Variants in PTCH1 observed in about 807,000 individuals in gnomAD.
PTCH1 encodes patched 1.
PTCH1 carries 14 observed loss-of-function variants against 144.6 expected under a neutral mutation model. That is an observed-to-expected ratio of 0.10 (90% CI 0.06 to 0.15). PTCH1 has a LOEUF of 0.15. PTCH1 is among the 10% of genes least tolerant of loss of function. The pLI is 1.00. For synonymous variants in PTCH1, 833 were observed against 793.6 expected, an observed-to-expected ratio of 1.05 and a Z score of -0.83; for missense variants, 1,623 against 1,948.3, an observed-to-expected ratio of 0.83 and a Z score of 3.14.
intron 2 of PTCH1, among the ~76,000 whole-genome samples, chr9:95,505,533 T>G (rs1296798658): frequency 6.6e-6 from 1 of 152,164 alleles, no homozygotes; most frequent in East Asian, 1.9e-4. Flanking sequence ...CTGCAACTGC[T>G]TTGCTAAGGT....
At chr9:95,447,608 A>G (rs568595103) in intron 22 of PTCH1, among the ~76,000 whole-genome samples, 157 bp from the exon 23 acceptor site, 1 of 152,308 alleles carries the variant, frequency 6.6e-6, no homozygotes, top group Non-Finnish European at 1.5e-5. Context: ...CTGTCCTTCT[A>G]ATAACCTCCA....
chr9:95,460,187 T>C (rs1236772037), intron 16 of PTCH1, among the ~76,000 whole-genome samples: 2 of 152,194 alleles, frequency 1.3e-5, no homozygotes, highest in Non-Finnish European at 2.9e-5. Flanking sequence ...CTGAAGGAAA[T>C]GCCACCCAGT....
chr9:95,469,393 T>G (rs182353805), intron 13 of PTCH1, among the ~76,000 whole-genome samples: 48 of 152,268 alleles, frequency 3.2e-4, no homozygotes, highest in African/African-American at 1.1e-3. Flanking sequence ...ATCCTAAATT[T>G]GGCTTTCAAA....
intron 2 of PTCH1, among the ~76,000 whole-genome samples, chr9:95,491,703 G>A (rs1842420921): frequency 6.6e-6 from 1 of 152,084 alleles, no homozygotes; most frequent in Non-Finnish European, 1.5e-5. Context: ...AGGTAGCCTA[G>A]GAGTGCCAAA....
Position 95,447,116 on chromosome 9 carries a change from G to A in PTCH1, c.4140C>T (p.Ala1380=), listed in dbSNP as rs752595145. The A allele has an allele frequency of 1.0e-4, 166 of 1,613,370 alleles. No homozygotes were observed. The highest frequency in any genetic ancestry group is 2.3e-4 in the Admixed American group (14 of 59,996). Residue 1380 remains alanine, a synonymous_variant, in exon 23 of 24, where the codon GCC becomes GCT. Coordinates refer to ENST00000331920, the MANE Select transcript of PTCH1 (RefSeq NM_000264.5). ...TVTASASVTV[A]VHPPPVPGPG... ...GCCCAGGGACAGGCGGCGGGTGCAC[G>A]GCGACAGTCACGGAGGCAGAAGCCG...
At chr9:95,516,422 G>T (rs1844365720) in intron 1 of PTCH1, 2 of 1,345,298 alleles carry the variant, frequency 1.5e-6, no homozygotes, top group Middle Eastern at 2.3e-4. Context: ...GGAGCACGGC[G>T]CGCGAGGCGA....
At chr9:95,490,558 A>AC (rs1564069064) in intron 2 of PTCH1, among the ~76,000 whole-genome samples, 29 of 129,524 alleles carry the variant, frequency 2.2e-4, no homozygotes, top group African/African-American at 8.5e-4. Context: ...CACACACACA[A>AC]AAGAAAGATA....
chr9:95,460,416 T>C (rs555572105), intron 16 of PTCH1, among the ~76,000 whole-genome samples: 60 of 152,272 alleles, frequency 3.9e-4, no homozygotes, highest in Non-Finnish European at 7.8e-4. Context: ...CAGGAGGGCT[T>C]GTGGGCTTTG....
chr9:95,480,577 G>T lies in PTCH1; in HGVS notation c.758C>A (p.Pro253His). 6.2e-7 allele frequency: 1 copy of T among 1,613,610 alleles called. No homozygotes were observed. Among genetic ancestry groups the T allele is most frequent in the Non-Finnish European group, 8.5e-7 (1 of 1,179,790 alleles). Residue 253 changes from proline (P) to histidine (H), a missense_variant, in exon 6 of 24, where the codon CCT becomes CAT. By Grantham distance (77) the Pro-to-His change is moderately conservative. Transcript: ENST00000331920. Reference sequence around the variant, plus strand: ...AGGGTCGAAGTTTGTCCACCGCAAAGGAGGTTTACCTCTGCAAAAGAAATT... The same window carrying T: ...AGGGTCGAAGTTTGTCCACCGCAAATGAGGTTTACCTCTGCAAAAGAAATT... ...SGTAYLLGKP[P>H]LRWTNFDPLE... is the part of the protein sequence containing the mutation.
chr9:95,478,487 G>A (rs947530317), intron 8 of PTCH1, among the ~76,000 whole-genome samples: 1 of 152,100 alleles, frequency 6.6e-6, no homozygotes. Context: ...TCTCTTCTCC[G>A]TTAACTTCAC....
intron 2 of PTCH1, among the ~76,000 whole-genome samples, chr9:95,500,676 G>T (rs1843087728): frequency 6.6e-6 from 1 of 152,202 alleles, no homozygotes; most frequent in Non-Finnish European, 1.5e-5. Context: ...CTCCTGGGGG[G>T]ACAAGGGGGA....
rs2118253278 is a variant in PTCH1 at position 95,476,090 on chromosome 9, C to T, written c.1672G>A (p.Ala558Thr). Residue 558 changes from alanine to threonine, a missense_variant, in exon 12 of 24, where the codon GCC becomes ACC. By Grantham distance (58) the Ala-to-Thr change is moderately conservative. Around this residue, in one of 7 missense-constraint regions of PTCH1, gnomAD observed 135 missense variants for 228.7 expected, o/e 0.59. Transcript: ENST00000331920. This position sits in a 1 kb window ranked among gnomAD's most constrained non-coding sequence, Gnocchi z 4.6. ...VALTSISNVTAFFMAALIPIP... is the reference protein window; with the variant it reads ...VALTSISNVTTFFMAALIPIP... ...GGGATTAACGCGGCCATGAAGAAGG[C>T]TGTGACATTGCTGATGGACGTGAGG... is the stretch of plus-strand genomic sequence containing the variant. 1 of 1,613,970 alleles carries T rather than the reference C, an allele frequency of 6.2e-7. No individual in the cohort carries two copies. Among genetic ancestry groups the T allele is most frequent in the Non-Finnish European group, 8.5e-7 (1 of 1,179,930 alleles).
At chr9:95,515,089 C>T (rs777816673) in intron 1 of PTCH1, among the ~76,000 whole-genome samples, 1 of 99,636 alleles carries the variant, frequency 1.0e-5, no homozygotes, top group Non-Finnish European at 2.5e-5. Flanking sequence ...ATCCGGAGTA[C>T]CACCCAGAAA....
In PTCH1 at chr9:95,476,205, C is replaced by A. The variant is rs1841024065; in HGVS notation, c.1603-46G>T. ...CGCTGAGAGCTGCACTGGACATGGT[C>A]CCCTTGGAGCACAGACTGTGTGAGC... On this transcript the variant is annotated intron_variant, in intron 11 of 23. Coordinates refer to ENST00000331920, the MANE Select transcript of PTCH1 (RefSeq NM_000264.5). This position sits in a 1 kb window ranked among gnomAD's most constrained non-coding sequence, Gnocchi z 4.6. The A allele has an allele frequency of 5.0e-6, 8 of 1,592,556 alleles. No homozygotes were observed. Among genetic ancestry groups the A allele is most frequent in the Middle Eastern group, 1.7e-4 (1 of 6,050 alleles).
intron 5 of PTCH1, 81 bp downstream of exon 5, chr9:95,481,868 G>T: frequency 7.8e-7 from 1 of 1,286,706 alleles, no homozygotes; most frequent in Non-Finnish European, 1.1e-6. Flanking sequence ...AACTGAAATG[G>T]AACAAACAAT....
intron 16 of PTCH1, among the ~76,000 whole-genome samples, chr9:95,461,619 G>C (rs893627180): frequency 6.6e-6 from 1 of 152,210 alleles, no homozygotes; most frequent in African/African-American, 2.4e-5. Context: ...CTGGTGGTAG[G>C]AACACGCCTG....
At chr9:95,446,641 G>A in intron 23 of PTCH1, 1 of 574,394 alleles carries the variant, frequency 1.7e-6, no homozygotes, top group East Asian at 3.0e-5. Context: ...ATTGGTAAAA[G>A]GTGGTGCTGT....
chr9:95,508,060 A>C (rs79663574), intron 1 of PTCH1, 101 bp downstream of exon 1: 1 of 1,475,790 alleles, frequency 6.8e-7, no homozygotes, highest in Non-Finnish European at 9.2e-7. Context: ...TGTGTGTGTG[A>C]GAGAGAGAGG....
At chr9:95,496,246 G>A (rs1005591807) in intron 2 of PTCH1, among the ~76,000 whole-genome samples, 1 of 152,212 alleles carries the variant, frequency 6.6e-6, no homozygotes, top group Non-Finnish European at 1.5e-5. Context: ...AAAAATGGTT[G>A]CATTTAGCAG....
Sources: gnomAD v4.1 joint callset for allele counts (sites outside exome capture counted in the v4.1 genomes callset) on GRCh38, gnomAD v4.1.1 for gene constraint, gnomAD v4.1.1 regional missense constraint, Gnocchi (gnomAD v3.1) non-coding constraint, MANE v1.5 for transcripts, NCBI Gene and HGNC (gene_info 2026-07-23, HGNC 2026-07-21) for gene names.